Variants in CFAP44 observed in about 807,000 individuals in gnomAD.
The protein encoded by CFAP44 is cilia- and flagella-associated protein 44.
Under a neutral mutation model 216.2 loss-of-function variants are expected in CFAP44, and 134 were observed. The ratio of observed to expected loss-of-function variants is 0.62; its 90% CI spans 0.54 to 0.72. The LOEUF is 0.72. Ranked by LOEUF, CFAP44 falls within the 30% of genes least tolerant of loss-of-function variation. CFAP44 has a pLI of 0.00. For synonymous variants in CFAP44, 700 were observed against 727.6 expected (o/e 0.96, Z 0.61); for missense variants, 2,035 against 2,182.1 (o/e 0.93, Z 1.34).
In CFAP44 at chr3:113,306,261, T is replaced by C. The variant is rs1690581329; in HGVS notation, c.4698A>G (p.Leu1566=). 1 of 1,537,002 alleles carries C rather than the reference T, an allele frequency of 6.5e-7. No individual in the cohort carries two copies. Among genetic ancestry groups the C allele is most frequent in the East Asian group, 2.4e-5 (1 of 40,898 alleles). ...REKRLDIEEA[L]VEEKKIVDNL... ...TATCAACAATTTTCTTTTCTTCAAC[T>C]AAAGCCTCCTCAATGTCCAGCCTTT... The change falls in exon 30 of 35, where the codon TTA becomes TTG. Residue 1566 remains leucine (L), a synonymous_variant. Transcript: ENST00000393845.
At chr3:113,354,975 T>C (rs146894944) in intron 22 of CFAP44, among the ~76,000 whole-genome samples, 108 of 152,290 alleles carry the variant, frequency 7.1e-4, no homozygotes, top group African/African-American at 2.5e-3. Context: ...CTGGTATCCA[T>C]GGCTTCAAGA....
In CFAP44 at chr3:113,412,312, C is replaced by T. The variant is rs936065447; in HGVS notation, c.674-2990G>A. 2.6e-5 allele frequency among the ~76,000 whole-genome samples: 4 copies of T among 152,108 alleles called. No individual in the cohort carries two copies. In the South Asian group the frequency reaches 6.2e-4, roughly 24 times the overall value. ...GTTTTCATTTTACTCTATGGATTCA[C>T]CTCAAATTATTTCTTGCACAAGGTC... On this transcript the variant is annotated intron_variant, in intron 6 of 34. Coordinates refer to ENST00000393845, the MANE Select transcript of CFAP44 (RefSeq NM_001164496.2).
chr3:113,350,096 G>A (rs192219195), intron 22 of CFAP44, among the ~76,000 whole-genome samples: 283 of 152,204 alleles, frequency 1.9e-3, no homozygotes, highest in African/African-American at 6.2e-3. Flanking sequence ...TTACACTGCC[G>A]AAGCCATGAA....
At chr3:113,340,903 G>A (rs1470868402) in intron 24 of CFAP44, among the ~76,000 whole-genome samples, 1 of 152,206 alleles carries the variant, frequency 6.6e-6, no homozygotes, top group Non-Finnish European at 1.5e-5. Flanking sequence ...CTCCACCAAT[G>A]GGAGAACCAG....
intron 5 of CFAP44, among the ~76,000 whole-genome samples, chr3:113,419,117 G>A (rs1209772945): frequency 2.6e-5 from 4 of 152,168 alleles, no homozygotes; most frequent in Non-Finnish European, 5.9e-5. Flanking sequence ...TAAAGTAATA[G>A]ATAAATATGT....
At chr3:113,341,654 AC>A (rs1483452211) in intron 24 of CFAP44, 89 bp downstream of exon 24, 5 of 1,251,316 alleles carry the variant, frequency 4.0e-6, no homozygotes, top group Non-Finnish European at 5.2e-6. Flanking sequence ...TTAAATGATA[AC>A]AATGTCAATA....
At chr3:113,400,427 A>G (rs1934109533) in intron 12 of CFAP44, 118 bp downstream of exon 12, 3 of 840,604 alleles carry the variant, frequency 3.6e-6, no homozygotes, top group African/African-American at 1.7e-5. Flanking sequence ...GCTTGCATTC[A>G]AGAGGCTCCC....
intron 28 of CFAP44, among the ~76,000 whole-genome samples, chr3:113,323,887 C>CA (rs1299365362): frequency 6.6e-6 from 1 of 151,718 alleles, no homozygotes; most frequent in Non-Finnish European, 1.5e-5. Context: ...ACTAAAAACA[C>CA]AAAAAAATTA....
intron 29 of CFAP44, among the ~76,000 whole-genome samples, chr3:113,307,357 T>C (rs1485879515): frequency 6.6e-6 from 1 of 152,234 alleles, no homozygotes; most frequent in African/African-American, 2.4e-5. Flanking sequence ...TATTTGTCAC[T>C]CATAAATGGC....
intron 15 of CFAP44, among the ~76,000 whole-genome samples, chr3:113,383,618 T>C (rs942414775): frequency 2.2e-4 from 33 of 152,062 alleles, no homozygotes; most frequent in African/African-American, 7.2e-4. Flanking sequence ...AACTATTAAG[T>C]TAGGAAAAGC....
rs1559913748 is a variant in CFAP44 at position 113,330,682 on chromosome 3, G to A, written c.3616-14C>T. The A allele has an allele frequency of 6.6e-7, 1 of 1,523,096 alleles. No homozygotes were observed. Among genetic ancestry groups the A allele is most frequent in the South Asian group, 1.2e-5 (1 of 80,854 alleles). The allele number at this position is 1,523,096 out of a possible 1,614,324, so 94.3% of individuals were successfully genotyped here. A position where few individuals can be genotyped will look rare whatever the true frequency, so the allele number is the denominator to read the frequency against. On this transcript the variant is annotated splice_polypyrimidine_tract_variant and intron_variant, in intron 25 of 34. Coordinates refer to ENST00000393845, the MANE Select transcript of CFAP44 (RefSeq NM_001164496.2). ...ATTTCCATGGACCTGAAAAAAAGAAGAGGAAGGAAACAACAGTACAACCCT... is the reference window on the plus strand; with the variant it reads ...ATTTCCATGGACCTGAAAAAAAGAAAAGGAAGGAAACAACAGTACAACCCT...
At chr3:113,425,393 A>G (rs776947053) in intron 4 of CFAP44, among the ~76,000 whole-genome samples, 15 of 152,206 alleles carry the variant, frequency 9.9e-5, no homozygotes, top group Admixed American at 4.6e-4. Context: ...AACTACCCGC[A>G]TTGCAAACCT....
intron 6 of CFAP44, among the ~76,000 whole-genome samples, chr3:113,414,984 C>G (rs117926314): frequency 0.026 from 3,821 of 146,546 alleles, 59 homozygotes; most frequent in East Asian, 0.061. Context: ...GTGAATCTAT[C>G]TGGTCCTGGA....
Position 113,287,120 on chromosome 3 carries a change from G to C in CFAP44, c.*4437C>G. 2.0e-6 allele frequency: 1 copy of C among 494,024 alleles called. No individual in the cohort carries two copies. The highest frequency in any genetic ancestry group is 1.6e-5 in the South Asian group (1 of 63,376). 30.6% of individuals were successfully genotyped at this position (494,024 alleles called of 1,614,324 possible). A position where few individuals can be genotyped will look rare whatever the true frequency, so the allele number is the denominator to read the frequency against. On this transcript the variant is annotated 3_prime_UTR_variant, in exon 35 of 35. Coordinates refer to ENST00000393845, the MANE Select transcript of CFAP44 (RefSeq NM_001164496.2). ...GGAAAGCACCGCACAGGCTGGCGCG[G>C]GACAGACTCCTAACCTGGGGCCTCT...
chr3:113,406,693 G>C (rs1328356328), intron 8 of CFAP44, among the ~76,000 whole-genome samples: 1 of 151,940 alleles, frequency 6.6e-6, no homozygotes, highest in South Asian at 2.1e-4. Flanking sequence ...CTTTATATGT[G>C]TGTACCATAT....
chr3:113,402,329 G>C (rs1181384083), intron 9 of CFAP44, among the ~76,000 whole-genome samples: 1 of 152,188 alleles, frequency 6.6e-6, no homozygotes, highest in Non-Finnish European at 1.5e-5. Context: ...CAGTAAGTGA[G>C]ACAGTAAATG....
intron 4 of CFAP44, 70 bp downstream of exon 4, chr3:113,426,054 T>TA (rs1178877118): frequency 6.4e-7 from 1 of 1,558,682 alleles, no homozygotes. Context: ...CTCCCTGGGC[T>TA]ATAGTTTGCT....
chr3:113,342,008 C>T (rs1441119203), intron 23 of CFAP44, 90 bp from the exon 24 acceptor site: 1 of 1,349,610 alleles, frequency 7.4e-7, no homozygotes, highest in East Asian at 2.7e-5. Flanking sequence ...TTAGAAAAAA[C>T]ACAGAGAATA....
At chr3:113,360,763 GC>G (rs1462714418) in intron 21 of CFAP44, 1 of 155,948 alleles carries the variant, frequency 6.4e-6, no homozygotes, top group East Asian at 1.9e-4. Flanking sequence ...ACCAGAGGGG[GC>G]CAGCCTGAAA....
Sources: allele counts gnomAD v4.1 joint callset (sites outside exome capture counted in the v4.1 genomes callset), GRCh38; gene constraint gnomAD v4.1.1; transcripts MANE v1.5; gene names NCBI Gene and HGNC (gene_info 2026-07-23, HGNC 2026-07-21).